Variants in CA12 observed in about 807,000 individuals in gnomAD.
CA12 encodes the protein carbonic anhydrase 12.
In CA12, 36 loss-of-function variants were observed where a neutral mutation model predicts 46.8. The ratio of observed to expected loss-of-function variants is 0.77; its 90% CI spans 0.59 to 1.02. The LOEUF (loss-of-function observed/expected upper bound fraction) is 1.02. Among genes scored for constraint, CA12 ranks in the 50% least tolerant of loss-of-function variants. The probability of loss-of-function intolerance (pLI) is 0.00; values close to 1 mark genes in which losing one functional copy is unlikely to be tolerated. For synonymous variants in CA12, 202 were observed against 187.0 expected (o/e 1.08, Z -0.65); for missense variants, 436 against 451.4 (o/e 0.97, Z 0.31).
At chr15:63,333,564 A>T (rs1019696626) in intron 8 of CA12, among the ~76,000 whole-genome samples, 1 of 152,236 alleles carries the variant, frequency 6.6e-6, no homozygotes, top group Non-Finnish European at 1.5e-5. Context: ...GGGAGAATCG[A>T]TGATATTCTT....
chr15:63,347,952 G>A (rs1030340963), intron 2 of CA12, among the ~76,000 whole-genome samples: 1 of 152,190 alleles, frequency 6.6e-6, no homozygotes, highest in Non-Finnish European at 1.5e-5. Context: ...TCACAAGGGT[G>A]TAAATGTTAT....
intron 2 of CA12, among the ~76,000 whole-genome samples, chr15:63,358,423 GA>G (rs1324898900): frequency 1.3e-5 from 2 of 152,234 alleles, no homozygotes; most frequent in African/African-American, 4.8e-5. Context: ...AAACCAGTGG[GA>G]GAGCGAATAC....
chr15:63,376,673 G>C (rs528596705), intron 1 of CA12, among the ~76,000 whole-genome samples: 1 of 149,744 alleles, frequency 6.7e-6, no homozygotes, highest in Non-Finnish European at 1.5e-5. Flanking sequence ...TTGTGAGACA[G>C]GGTCTCACTC....
At position 63,331,196 on chromosome 15, in the gene CA12, T is replaced by C. The variant is rs1214588493; in HGVS notation, c.875-3066A>G. On this transcript the variant is annotated intron_variant, in intron 8 of 10. Transcript: ENST00000178638. The surrounding 1 kb of genome is among the most constrained non-coding windows in gnomAD (Gnocchi z 5.3). ...AGATGCCAAAACATCTGTTATCTGA[T>C]GGGAGAGAGAAAGTCAGCGAGACTT... 6.6e-6 allele frequency among the ~76,000 whole-genome samples: 1 copy of C among 152,088 alleles called. No individual in the cohort carries two copies. Among genetic ancestry groups the C allele is most frequent in the African/African-American group, 2.4e-5 (1 of 41,408 alleles).
At chr15:63,351,912 C>T (rs1009491799) in intron 2 of CA12, among the ~76,000 whole-genome samples, 4 of 152,202 alleles carry the variant, frequency 2.6e-5, no homozygotes, top group African/African-American at 7.2e-5. Flanking sequence ...TGTCATATCC[C>T]TACTTATGTC....
chr15:63,343,467 G>C (rs2039108153), intron 4 of CA12, among the ~76,000 whole-genome samples: 1 of 151,748 alleles, frequency 6.6e-6, no homozygotes, highest in African/African-American at 2.4e-5. Flanking sequence ...TTTTAGTAGA[G>C]ATGGGGTTTC....
At position 63,340,391 on chromosome 15, in the gene CA12, G is replaced by A; in HGVS notation, c.644C>T (p.Thr215Ile). 1 of 1,614,130 alleles carries A rather than the reference G, an allele frequency of 6.2e-7. No homozygotes were observed. Among genetic ancestry groups the A allele is most frequent in the Non-Finnish European group, 8.5e-7 (1 of 1,180,004 alleles). ...CCCCCGGTAGCGGTAATATTCAGCG[G>A]TCCTCTCCGGAAGCAGCTCTTCAAT... ...FNIEELLPER[T>I]AEYYRYRGSL... The change falls in exon 7 of 11, where the codon ACC becomes ATC. Residue 215 changes from threonine (T) to isoleucine (I), a missense_variant. Transcript: ENST00000178638. This position sits in a 1 kb window ranked among gnomAD's most constrained non-coding sequence, Gnocchi z 4.4.
intron 2 of CA12, among the ~76,000 whole-genome samples, chr15:63,360,635 A>C (rs1179671234): frequency 6.6e-6 from 1 of 152,092 alleles, no homozygotes; most frequent in Non-Finnish European, 1.5e-5. Context: ...TGCCATCCTC[A>C]TCCCTAAAAC....
intron 10 of CA12, 115 bp from the exon 11 acceptor site, chr15:63,326,472 G>A: frequency 1.3e-6 from 1 of 790,758 alleles, no homozygotes; most frequent in Admixed American, 1.9e-5. Context: ...CTCTCTTTGG[G>A]ACCTTTCCCC....
intron 2 of CA12, among the ~76,000 whole-genome samples, chr15:63,365,534 G>T (rs1408869584): frequency 6.6e-6 from 1 of 152,210 alleles, no homozygotes; most frequent in Admixed American, 6.5e-5. Context: ...CCCCTGCCTG[G>T]GGCCCACCTA....
At chr15:63,336,660 C>T (rs1209232396) in intron 8 of CA12, among the ~76,000 whole-genome samples, 1 of 150,220 alleles carries the variant, frequency 6.7e-6, no homozygotes, top group African/African-American at 2.5e-5. Context: ...AAGCGATTCT[C>T]CTGCCTCAGC....
intron 4 of CA12, among the ~76,000 whole-genome samples, chr15:63,343,962 G>A (rs540087445): frequency 6.6e-6 from 1 of 152,238 alleles, no homozygotes; most frequent in African/African-American, 2.4e-5. Context: ...TTCACTGTGG[G>A]CCGCAAGGTC....
At chr15:63,336,147 C>T (rs1263762874) in intron 8 of CA12, among the ~76,000 whole-genome samples, 1 of 152,168 alleles carries the variant, frequency 6.6e-6, no homozygotes, top group Admixed American at 6.5e-5. Flanking sequence ...GCAGTGGCAA[C>T]GCTGCATTTG....
chr15:63,340,100 T>A lies in CA12; in HGVS notation c.747+188A>T. The A allele has an allele frequency of 2.9e-6, 2 of 697,228 alleles. No homozygotes were observed. Among genetic ancestry groups the A allele is most frequent in the Non-Finnish European group, 2.5e-6 (1 of 398,668 alleles). The allele number at this position is 697,228 out of a possible 1,614,324, so 43.2% of individuals were successfully genotyped here. Reference sequence around the variant, plus strand: ...ACTAGGAGACATCTATTCATTTGCCTAGCTTGACTTCTTTTGAAGCTCAGC... The same window carrying A: ...ACTAGGAGACATCTATTCATTTGCCAAGCTTGACTTCTTTTGAAGCTCAGC... On this transcript the variant is annotated intron_variant, in intron 7 of 10. Transcript: ENST00000178638. This position sits in a 1 kb window ranked among gnomAD's most constrained non-coding sequence, Gnocchi z 4.4.
At chr15:63,368,011 C>G (rs961189015) in intron 2 of CA12, among the ~76,000 whole-genome samples, 5 of 152,158 alleles carry the variant, frequency 3.3e-5, no homozygotes, top group Admixed American at 3.3e-4. Flanking sequence ...TGTGTCAGAC[C>G]AGGTGCATAA....
At position 63,339,989 on chromosome 15, in the gene CA12, T is replaced by G. The variant is rs549466808; in HGVS notation, c.747+299A>C. 1 of 419,642 alleles carries G rather than the reference T, an allele frequency of 2.4e-6. No homozygotes were observed. Among genetic ancestry groups the G allele is most frequent in the Non-Finnish European group, 4.5e-6 (1 of 223,792 alleles). 26.0% of individuals were successfully genotyped at this position (419,642 alleles called of 1,614,324 possible). On this transcript the variant is annotated intron_variant, in intron 7 of 10. Coordinates refer to ENST00000178638, the MANE Select transcript of CA12 (RefSeq NM_001218.5). The surrounding 1 kb of genome is among the most constrained non-coding windows in gnomAD (Gnocchi z 4.3). The stretch of plus-strand genomic sequence containing the variant: ...ATTCTGCCCTGTAAAGGAACCAGGC[T>G]CTCTCCTGCCTGGGAAGTGAATACC...
chr15:63,333,132 A>G (rs2038956841), intron 8 of CA12, among the ~76,000 whole-genome samples: 1 of 152,128 alleles, frequency 6.6e-6, no homozygotes, highest in Non-Finnish European at 1.5e-5. Context: ...TTCCAGATGG[A>G]GGAGGGAGGG....
In CA12 at chr15:63,328,092, A is replaced by G. The variant is rs747119438; in HGVS notation, c.907+6T>C. The G allele has an allele frequency of 1.9e-6, 3 of 1,613,938 alleles. No individual in the cohort carries two copies. Among genetic ancestry groups the G allele is most frequent in the African/African-American group, 1.3e-5 (1 of 75,042 alleles). ...AGCATGCACGGCTGGCTGCCCAGCC[A>G]CATACCCAGACTCAGTCCTGCCGCA... On this transcript the variant is annotated splice_donor_region_variant and intron_variant, in intron 9 of 10. Coordinates refer to ENST00000178638, the MANE Select transcript of CA12 (RefSeq NM_001218.5). The surrounding 1 kb of genome is among the most constrained non-coding windows in gnomAD (Gnocchi z 5.9).
intron 2 of CA12, among the ~76,000 whole-genome samples, chr15:63,358,807 G>A (rs1032512463): frequency 6.6e-6 from 1 of 151,950 alleles, no homozygotes; most frequent in East Asian, 1.9e-4. Context: ...GTGCATACCC[G>A]CATCTGTGTC....
Sources: gnomAD v4.1 joint callset for allele counts (sites outside exome capture counted in the v4.1 genomes callset) on GRCh38, gnomAD v4.1.1 for gene constraint, Gnocchi (gnomAD v3.1) non-coding constraint, MANE v1.5 for transcripts, NCBI Gene and HGNC (gene_info 2026-07-23, HGNC 2026-07-21) for gene names.